TMPRSS9: variants seen among roughly 807,000 people sequenced by gnomAD.
The protein encoded by TMPRSS9 is transmembrane protease serine 9.
Under a neutral mutation model 111.4 loss-of-function variants are expected in TMPRSS9, and 113 were observed. The observed-to-expected ratio is 1.01, with a 90% CI of 0.87 to 1.19. The LOEUF (loss-of-function observed/expected upper bound fraction) is 1.19, where lower values mean the gene tolerates loss of function less well. Ranked by LOEUF, TMPRSS9 falls within the 50% of genes most tolerant of loss-of-function variation. The pLI is 0.00. For synonymous variants in TMPRSS9, 805 were observed against 659.1 expected (o/e 1.22, Z -3.39); for missense variants, 1,803 against 1,513.1 (o/e 1.19, Z -3.18).
chr19:2,390,243 G>T (rs55813362), intron 1 of TMPRSS9, among the ~76,000 whole-genome samples: 78,802 of 127,956 alleles, frequency 0.62, 24,989 homozygotes, highest in Middle Eastern at 0.68. Flanking sequence ...TTTTTTTTTT[G>T]TTTTTTTTTT....
In TMPRSS9 at chr19:2,396,589, G is replaced by A. The variant is rs1459755959; in HGVS notation, c.193G>A (p.Gly65Arg). The A allele has an allele frequency of 1.2e-6, 2 of 1,611,488 alleles. No individual in the cohort carries two copies. The highest frequency in any genetic ancestry group is 1.7e-6 in the Non-Finnish European group (2 of 1,179,186). Residue 65 changes from glycine to arginine, a missense_variant, in exon 2 of 18, where the codon GGA (glycine) becomes AGA (arginine). Gly to Arg is a moderately radical substitution (Grantham distance 125). Transcript: ENST00000648592. ...CGTGGACCACACGGCCGAGCTGCGG[G>A]GAATCCGGTGGACCAGCAGTTTGCG... is the stretch of plus-strand genomic sequence containing the variant.
At chr19:2,392,271 T>C (rs1003918947) in intron 1 of TMPRSS9, among the ~76,000 whole-genome samples, 3 of 152,112 alleles carry the variant, frequency 2.0e-5, no homozygotes, top group African/African-American at 7.2e-5. Flanking sequence ...TGCGTGCCAG[T>C]AGTCCCTGCT....
At chr19:2,402,947 CAAGGAAAAGG>C in intron 5 of TMPRSS9, 125 bp from the exon 7 acceptor site, 1 of 674,556 alleles carries the variant, frequency 1.5e-6, no homozygotes, top group Non-Finnish European at 2.6e-6. Flanking sequence ...AAAATAAAAA[CAAGGAAAAGG>C]AAAGAAAAGG....
At chr19:2,401,143 G>A (rs896846354) in intron 4 of TMPRSS9, among the ~76,000 whole-genome samples, 13 of 151,954 alleles carry the variant, frequency 8.6e-5, no homozygotes, top group African/African-American at 1.7e-4. Context: ...GCGTGGTGGC[G>A]GGCGCCTGTA....
intron 1 of TMPRSS9, among the ~76,000 whole-genome samples, chr19:2,390,301 T>C (rs998252574): frequency 7.8e-5 from 7 of 89,614 alleles, no homozygotes; most frequent in East Asian, 2.8e-4. Flanking sequence ...AGTGCAGTGG[T>C]GTGATATCTC....
chr19:2,415,663 C>T lies in TMPRSS9; in HGVS notation c.1574-7C>T. 1 of 1,581,380 alleles carries T rather than the reference C, an allele frequency of 6.3e-7. No individual in the cohort carries two copies. Among genetic ancestry groups the T allele is most frequent in the Non-Finnish European group, 8.6e-7 (1 of 1,160,008 alleles). On this transcript the variant is annotated splice_region_variant and splice_polypyrimidine_tract_variant and intron_variant, in intron 10 of 17. Transcript: ENST00000648592. ...TCCCCAGACCTGGTCTTGTGTCCTC[C>T]TTCCAGAATGTGGGGCCAGGCCTGC...
intron 1 of TMPRSS9, among the ~76,000 whole-genome samples, chr19:2,368,774 G>GTTTGTTTTTTTTTTTTTTT (rs1970265977): frequency 1.4e-5 from 1 of 70,364 alleles, no homozygotes; most frequent in African/African-American, 6.0e-5. Context: ...GATAAACCCA[G>GTTTGTTTTTTTTTTTTTTT]TTTTTTTTTT....
chr19:2,422,569 C>T (rs547276036), intron 14 of TMPRSS9, among the ~76,000 whole-genome samples: 49 of 150,928 alleles, frequency 3.2e-4, no homozygotes, highest in Non-Finnish European at 6.5e-4. Context: ...AGCGAAACTC[C>T]GTCTCAAAAA....
At chr19:2,424,508 G>A (rs1172882974) in intron 15 of TMPRSS9, among the ~76,000 whole-genome samples, 1 of 146,914 alleles carries the variant, frequency 6.8e-6, no homozygotes. Context: ...CCTACCCCGC[G>A]GTCCCCACCT....
intron 4 of TMPRSS9, among the ~76,000 whole-genome samples, chr19:2,401,433 C>G (rs573414217): frequency 6.6e-6 from 1 of 152,046 alleles, no homozygotes; most frequent in Non-Finnish European, 1.5e-5. Context: ...GTTTGGTGGC[C>G]GTCCGAGCCC....
intron 1 of TMPRSS9, among the ~76,000 whole-genome samples, chr19:2,394,184 A>G (rs1970659734): frequency 2.0e-5 from 3 of 151,320 alleles, no homozygotes; most frequent in Admixed American, 6.6e-5. Flanking sequence ...GCCTGGCAAC[A>G]GAGTGTGAGA....
Position 2,381,798 on chromosome 19 carries a change from C to T in TMPRSS9, c.-25-7963C>T, listed in dbSNP as rs151040986. 2.4e-3 allele frequency among the ~76,000 whole-genome samples: 358 copies of T among 152,164 alleles called. 2 individuals are homozygous for T. Among genetic ancestry groups the T allele is most frequent in the African/African-American group, 7.8e-3 (323 of 41,494 alleles). On this transcript the variant is annotated intron_variant, in intron 1 of 17. Coordinates refer to the TMPRSS9 transcript ENST00000649857. ...TCAACAATAAAACATTTAGCACCCTCGGAGACATTAGAATTTCAGATATGT... is the reference window on the plus strand; with the variant it reads ...TCAACAATAAAACATTTAGCACCCTTGGAGACATTAGAATTTCAGATATGT...
Position 2,377,243 on chromosome 19 carries a change from CTGTATGTATGTATGTA to C in TMPRSS9, c.-25-12484_-25-12469del, listed in dbSNP as rs71178267. Among the ~76,000 whole-genome samples the C allele has an allele frequency of 4.8e-3, 653 of 135,212 alleles. 12 individuals are homozygous for C. The highest frequency in any genetic ancestry group is 0.012 in the African/African-American group (453 of 36,534). 88.7% of individuals were successfully genotyped at this position (135,212 alleles called of 152,430 possible). On this transcript the variant is annotated intron_variant, in intron 1 of 17. Coordinates refer to the TMPRSS9 transcript ENST00000649857. The stretch of plus-strand genomic sequence containing the variant: ...TCCTCGTACTTTCTTTCTTTTTTTA[CTGTATGTATGTATGTA>C]TGTATGTATGTATGTATGTATGTAT...
At chr19:2,420,744 G>A (rs1343540446) in intron 13 of TMPRSS9, among the ~76,000 whole-genome samples, 1 of 152,158 alleles carries the variant, frequency 6.6e-6, no homozygotes, top group African/African-American at 2.4e-5. Context: ...TTCTAGGAGT[G>A]TTGTGAGATC....
At chr19:2,406,726 A>G (rs1970977682) in intron 7 of TMPRSS9, among the ~76,000 whole-genome samples, 1 of 149,984 alleles carries the variant, frequency 6.7e-6, no homozygotes, top group African/African-American at 2.5e-5. Context: ...GACCAATGAC[A>G]TTTTGTTGAT....
At chr19:2,386,823 C>A (rs1010538724), upstream of TMPRSS9, among the ~76,000 whole-genome samples, 2 of 151,442 alleles carry the variant, frequency 1.3e-5, no homozygotes, top group Non-Finnish European at 2.9e-5. Flanking sequence ...GAAACCCCAT[C>A]TCTACTAGAA....
chr19:2,403,015 C>A, intron 5 of TMPRSS9, 67 bp from the exon 7 acceptor site: 2 of 1,124,608 alleles, frequency 1.8e-6, no homozygotes, highest in Non-Finnish European at 2.7e-6. Flanking sequence ...CTAAGTATAG[C>A]ATGGTGCCTT....
exon 15 of TMPRSS9, chr19:2,424,236 C>G: frequency 1.4e-6 from 2 of 1,403,722 alleles, no homozygotes; most frequent in Non-Finnish European, 1.9e-6. Flanking sequence ...TGGCTGCTGT[C>G]GGCGGCGCAC....
intron 1 of TMPRSS9, among the ~76,000 whole-genome samples, chr19:2,380,638 G>C (rs1970378866): frequency 7.0e-6 from 1 of 143,448 alleles, no homozygotes; most frequent in Non-Finnish European, 1.5e-5. Context: ...CCCCAGTCAA[G>C]CCTCAGATGA....
Sources: gnomAD v4.1 joint callset for allele counts (sites outside exome capture counted in the v4.1 genomes callset) on GRCh38, gnomAD v4.1.1 for gene constraint, MANE v1.5 for transcripts, NCBI Gene and HGNC (gene_info 2026-07-23, HGNC 2026-07-21) for gene names.